Variants in MCM9 observed in about 807,000 individuals in gnomAD.
The protein encoded by MCM9 is DNA helicase MCM9.
A neutral mutation model predicts 72.8 loss-of-function variants in MCM9; 55 were observed. That is an observed-to-expected ratio of 0.76 (90% confidence interval 0.61 to 0.95). The LOEUF is 0.95. MCM9 is among the 40% of genes least tolerant of loss of function. The probability of loss-of-function intolerance (pLI) is 0.00; values close to 1 mark genes in which losing one functional copy is unlikely to be tolerated. For missense variants in MCM9, 1,279 were observed against 1,377.0 expected, an observed-to-expected ratio of 0.93 and a Z score of 1.13; for synonymous variants, 480 against 503.4, an observed-to-expected ratio of 0.95 and a Z score of 0.62.
At chr6:118,900,280 C>T (rs1779718013) in intron 8 of MCM9, among the ~76,000 whole-genome samples, 1 of 152,162 alleles carries the variant, frequency 6.6e-6, no homozygotes, top group Non-Finnish European at 1.5e-5. Flanking sequence ...TACTTTGGAG[C>T]TCTGTGATTA....
chr6:118,858,629 C>T (rs1441667698), intron 8 of MCM9, among the ~76,000 whole-genome samples: 3 of 151,978 alleles, frequency 2.0e-5, no homozygotes, highest in African/African-American at 4.8e-5. Context: ...CTACTAAAAA[C>T]CAACTAGAAC....
intron 8 of MCM9, among the ~76,000 whole-genome samples, chr6:118,902,422 T>A (rs556487611): frequency 2.9e-4 from 44 of 152,126 alleles, no homozygotes; most frequent in Non-Finnish European, 5.6e-4. Context: ...GAAATTGTTA[T>A]ATAAAAAAGC....
At chr6:118,817,227 C>T (rs1773465386) in intron 13 of MCM9, among the ~76,000 whole-genome samples, 3 of 151,858 alleles carry the variant, frequency 2.0e-5, no homozygotes, top group Non-Finnish European at 4.4e-5. Flanking sequence ...CCTATCAACC[C>T]ATCATTTAGG....
intron 9 of MCM9, among the ~76,000 whole-genome samples, chr6:118,844,669 A>G (rs1438769477): frequency 6.6e-6 from 1 of 151,784 alleles, no homozygotes. Flanking sequence ...CTTCATCTCA[A>G]TAGGTACAGA....
intron 13 of MCM9, among the ~76,000 whole-genome samples, chr6:118,819,732 T>C (rs1310257437): frequency 1.3e-5 from 2 of 152,214 alleles, no homozygotes; most frequent in African/African-American, 4.8e-5. Context: ...AGAATTTGGC[T>C]GTGAATCTGT....
At chr6:118,930,938 C>A (rs925473813) in intron 3 of MCM9, among the ~76,000 whole-genome samples, 2 of 152,182 alleles carry the variant, frequency 1.3e-5, no homozygotes, top group African/African-American at 4.8e-5. Flanking sequence ...AGTTTCTTAA[C>A]AATTAAGATG....
chr6:118,893,967 CCCTCT>C (rs1202360465), intron 8 of MCM9: 2 of 933,142 alleles, frequency 2.1e-6, no homozygotes, highest in Non-Finnish European at 2.5e-6. Flanking sequence ...CCCCCTCCGC[CCCTCT>C]CCGCGCCGCC....
chr6:118,910,095 C>T (rs559364667), intron 8 of MCM9, among the ~76,000 whole-genome samples: 78 of 130,888 alleles, frequency 6.0e-4, no homozygotes, highest in Non-Finnish European at 9.6e-4. Context: ...CCAGCCTGGG[C>T]GACAGCACTA....
At chr6:118,932,491 G>A (rs964085189) in intron 2 of MCM9, 116 bp downstream of exon 2, 1 of 544,994 alleles carries the variant, frequency 1.8e-6, no homozygotes, top group Non-Finnish European at 2.3e-6. Context: ...CTTTGCAAGA[G>A]TCCTGGTTCT....
rs866326585 is a variant in MCM9, at chr6:118,899,522, G to C, written c.1150+12128C>G. On this transcript the variant is annotated intron_variant, in intron 8 of 13. Coordinates refer to ENST00000619706, the MANE Select transcript of MCM9 (RefSeq NM_017696.3). ...TATCTCCATCAACAGATGATCTCAG[G>C]AGATGTCAGATGCAGCACCCTGCAT... 2.6e-5 allele frequency among the ~76,000 whole-genome samples: 4 copies of C among 152,280 alleles called. No individual in the cohort carries two copies. The Middle Eastern group carries it at 0.01, about 388-fold the overall frequency.
intron 1 of MCM9, chr6:118,934,446 C>T (rs1186387899): frequency 6.6e-6 from 1 of 152,112 alleles, no homozygotes; most frequent in Non-Finnish European, 1.5e-5. Flanking sequence ...TGCCTAACTG[C>T]ACTGGCATCC....
intron 13 of MCM9, 124 bp downstream of exon 13, chr6:118,826,023 C>T (rs765058751): frequency 4.1e-5 from 42 of 1,033,708 alleles, no homozygotes; most frequent in Non-Finnish European, 5.4e-5. Context: ...TCTGCCTGTC[C>T]TAAGAACTTA....
At chr6:118,832,978 C>A (rs925572845) in intron 9 of MCM9, among the ~76,000 whole-genome samples, 1 of 152,176 alleles carries the variant, frequency 6.6e-6, no homozygotes, top group Non-Finnish European at 1.5e-5. Context: ...CAAGTCTGGA[C>A]AATGAAGTAA....
intron 8 of MCM9, among the ~76,000 whole-genome samples, chr6:118,907,088 C>G (rs1285711810): frequency 2.0e-5 from 3 of 152,136 alleles, no homozygotes; most frequent in Non-Finnish European, 2.9e-5. Context: ...TCTTCTGAAG[C>G]ATTCATTTTC....
chr6:118,840,538 C>T (rs946699433), intron 9 of MCM9, among the ~76,000 whole-genome samples: 10 of 152,056 alleles, frequency 6.6e-5, no homozygotes, highest in South Asian at 2.1e-4. Context: ...GAACAGCCCA[C>T]GCAGCAACAG....
chr6:118,890,273 C>G (rs561838812), intron 8 of MCM9, among the ~76,000 whole-genome samples: 128 of 152,300 alleles, frequency 8.4e-4, no homozygotes, highest in Non-Finnish European at 1.6e-3. Context: ...ACAAAGCCCA[C>G]TTTAAAATTT....
In MCM9 at chr6:118,813,772, T is replaced by A. The variant is rs2638539; in HGVS notation, c.*1052A>T. ...TTATCTATTCTGACCAAAAACAGTA[T>A]ATAATTTCCTTGGTTTTAAAGACAA... is the stretch of plus-strand genomic sequence containing the variant. On this transcript the variant is annotated 3_prime_UTR_variant, in exon 14 of 14. Coordinates refer to ENST00000619706, the MANE Select transcript of MCM9 (RefSeq NM_017696.3). 6.6e-6 allele frequency: 1 copy of A among 152,338 alleles called. No individual in the cohort carries two copies. The highest frequency in any genetic ancestry group is 1.5e-5 in the Non-Finnish European group (1 of 68,046). The allele number at this position is 152,338 out of a possible 1,614,324, so 9.4% of individuals were successfully genotyped here. A position where few individuals can be genotyped will look rare whatever the true frequency, so the allele number is the denominator to read the frequency against.
chr6:118,885,659 A>G (rs1347575019), intron 8 of MCM9, among the ~76,000 whole-genome samples: 1 of 152,232 alleles, frequency 6.6e-6, no homozygotes, highest in African/African-American at 2.4e-5. Flanking sequence ...CACAGAGGCA[A>G]TATTAGTAAT....
At position 118,820,231 on chromosome 6, in the gene MCM9, T is replaced by A. The variant is rs150880587; in HGVS notation, c.1962-3937A>T. ...GTGATGTTAGGGTGTCAATTTTAGT[T>A]CTTTCCCTCTTTCTCCTGAGGGCGT... On this transcript the variant is annotated intron_variant, in intron 13 of 13. Transcript: ENST00000619706. Among the ~76,000 whole-genome samples, 304 of 152,310 alleles carry A rather than the reference T, an allele frequency of 2.0e-3. 1 individual carries two copies. The highest frequency in any genetic ancestry group is 0.011 in the South Asian group (51 of 4,822).
Sources: gnomAD v4.1 joint callset for allele counts (sites outside exome capture counted in the v4.1 genomes callset) on GRCh38, gnomAD v4.1.1 for gene constraint, MANE v1.5 for transcripts, NCBI Gene and HGNC (gene_info 2026-07-23, HGNC 2026-07-21) for gene names.